Variants in SELENBP1 observed in about 807,000 individuals in gnomAD.
SELENBP1 encodes the protein methanethiol oxidase.
A neutral mutation model predicts 61.0 loss-of-function variants in SELENBP1; 71 were observed. That is an observed-to-expected ratio of 1.16 (90% CI 0.96 to 1.42). The LOEUF (loss-of-function observed/expected upper bound fraction) is 1.42. SELENBP1 is among the 40% of genes most tolerant of loss of function. The pLI is 0.00. For synonymous variants in SELENBP1, 270 were observed against 238.9 expected (o/e 1.13, Z -1.20); for missense variants, 561 against 605.0 (o/e 0.93, Z 0.76).
At position 151,369,125 on chromosome 1, in the gene SELENBP1, C is replaced by T. The variant is rs1043849; in HGVS notation, c.239G>A (p.Cys80Tyr). The part of the protein sequence containing the change: ...DELHHSGWNT[C>Y]SSCFGDSTKS... ...GGTGCTATCACCGAAGCAGCTGCTG[C>T]AGGTGTTCCATCCTGAGTGATGCAG... The change falls in exon 4 of 12, where the codon TGC becomes TAC. Residue 80 changes from cysteine (C) to tyrosine (Y), a missense_variant. Cys to Tyr is a radical substitution (Grantham distance 194). Transcript: ENST00000368868. 6.2e-7 allele frequency: 1 copy of T among 1,614,036 alleles called. No homozygotes were observed. The highest frequency in any genetic ancestry group is 8.5e-7 in the Non-Finnish European group (1 of 1,180,000).
Position 151,365,234 on chromosome 1 carries a change from C to T in SELENBP1, c.1092G>A (p.Leu364=). ...GCTGGGACTTTAGTTCCTCGTCCTCCAGCACTTGCACAGGGCCTCCCTTAA... is the reference window on the plus strand; with the variant it reads ...GCTGGGACTTTAGTTCCTCGTCCTCTAGCACTTGCACAGGGCCTCCCTTAA... ...SIVKGGPVQV[L]EDEELKSQPE... is the part of the protein sequence containing the mutation. Residue 364 remains leucine, a synonymous_variant, in exon 10 of 12, where the codon CTG becomes CTA. Coordinates refer to ENST00000368868, the MANE Select transcript of SELENBP1 (RefSeq NM_003944.4). 2 of 1,613,702 alleles carry T rather than the reference C, an allele frequency of 1.2e-6. No homozygotes were observed. Among genetic ancestry groups the T allele is most frequent in the Non-Finnish European group, 1.7e-6 (2 of 1,179,832 alleles).
Position 151,366,313 on chromosome 1 carries a change from C to G in SELENBP1, c.805G>C (p.Ala269Pro). Residue 269 changes from alanine to proline, a missense_variant, in exon 7 of 12, where the codon GCA (alanine) becomes CCA (proline). Physicochemically the swap from Ala to Pro is conservative, Grantham distance 27. Coordinates refer to ENST00000368868, the MANE Select transcript of SELENBP1 (RefSeq NM_003944.4). ...PDAAQGFVGCALSSTIQRFYK... is the reference protein window; with the variant it reads ...PDAAQGFVGCPLSSTIQRFYK... ...AAGCGCTGGATGGTGGAGCTGAGTG[C>G]GCAGCCCACAAAGCCTTGGGCAGCG... is the stretch of plus-strand genomic sequence containing the variant. 6.2e-7 allele frequency: 1 copy of G among 1,614,038 alleles called. No individual in the cohort carries two copies. Among genetic ancestry groups the G allele is most frequent in the Non-Finnish European group, 8.5e-7 (1 of 1,180,014 alleles).
chr1:151,368,499 G>A (rs1049564168), intron 4 of SELENBP1, among the ~76,000 whole-genome samples, 180 bp from the exon 5 acceptor site: 2 of 152,228 alleles, frequency 1.3e-5, no homozygotes, highest in African/African-American at 4.8e-5. Flanking sequence ...AGAGCAGCAA[G>A]GGAAAGTCAG....
chr1:151,369,871 G>A, intron 1 of SELENBP1, 102 bp from the exon 2 acceptor site: 1 of 1,551,084 alleles, frequency 6.4e-7, no homozygotes, highest in African/African-American at 1.4e-5. Context: ...CGGCAGTGCG[G>A]CTGGCCTAGG....
In SELENBP1 at chr1:151,366,391, A is replaced by T; in HGVS notation, c.727T>A (p.Ser243Thr). 6.2e-7 allele frequency: 1 copy of T among 1,614,128 alleles called. No individual in the cohort carries two copies. Among genetic ancestry groups the T allele is most frequent in the South Asian group, 1.1e-5 (1 of 91,086 alleles). ...WQRHEIVQTL[S>T]LKDGLIPLEI... ...AAGGGAATAAGCCCATCTTTTAGAG[A>T]CAGGGTCTGCACAATCTCATGGCGC... The change falls in exon 7 of 12, where the codon TCT becomes ACT. Residue 243 changes from serine to threonine, a missense_variant. Transcript: ENST00000368868.
In SELENBP1 at chr1:151,364,620, T is replaced by C. The variant is rs1651699267; in HGVS notation, c.1342A>G (p.Lys448Glu). 4 of 1,613,698 alleles carry C rather than the reference T, an allele frequency of 2.5e-6. No homozygotes were observed. The East Asian group carries it at 8.9e-5, about 36-fold the overall frequency. ...GCAAGGGCTGGGCCAAGGGGCTCCT[T>C]CCCGAAGTCCACCAGGAAGTTGGGG... ...LNPNFLVDFG[K>E]EPLGPALAHE... Residue 448 changes from lysine (K) to glutamate (E), a missense_variant, in exon 12 of 12, where the codon AAG (lysine) becomes GAG (glutamate). Lys to Glu is a moderately conservative substitution (Grantham distance 56, BLOSUM62 1). Transcript: ENST00000368868.
Position 151,365,552 on chromosome 1 carries a change from AG to A in SELENBP1, c.1044+10del. 6.2e-7 allele frequency: 1 copy of A among 1,613,620 alleles called. No individual in the cohort carries two copies. Among genetic ancestry groups the A allele is most frequent in the Non-Finnish European group, 8.5e-7 (1 of 1,179,874 alleles). ...TTCCTTCCCTTCTGCTCCTCCTGCCAGGGTCTCCACCTGTCCTGTGAGGCGG... is the reference window on the plus strand; with the variant it reads ...TTCCTTCCCTTCTGCTCCTCCTGCCAGGTCTCCACCTGTCCTGTGAGGCGG... On this transcript the variant is annotated intron_variant, in intron 9 of 11. Transcript: ENST00000368868.
chr1:151,364,779 G>C lies in SELENBP1; in HGVS notation c.1257-74C>G, dbSNP rs1651710550. ...CCTTCCCCTAAGATTTTAGGGGAAA[G>C]CTCCTGAGGAAGGAGGAATGACCAG... On this transcript the variant is annotated intron_variant, in intron 11 of 11. Coordinates refer to ENST00000368868, the MANE Select transcript of SELENBP1 (RefSeq NM_003944.4). 36 of 1,521,456 alleles carry C rather than the reference G, an allele frequency of 2.4e-5. 1 individual carries two copies. The South Asian group carries it at 4.1e-4, about 17-fold the overall frequency. 94.2% of individuals were successfully genotyped at this position (1,521,456 alleles called of 1,614,324 possible). A position where few individuals can be genotyped will look rare whatever the true frequency, so the allele number is the denominator to read the frequency against.
chr1:151,368,014 T>G (rs1414636966), intron 5 of SELENBP1, among the ~76,000 whole-genome samples, 185 bp downstream of exon 5: 1 of 152,192 alleles, frequency 6.6e-6, no homozygotes, highest in African/African-American at 2.4e-5. Context: ...AGACTCATCT[T>G]AATAGAAATA....
chr1:151,366,826 C>T lies in SELENBP1; in HGVS notation c.560G>A (p.Gly187Asp). The change falls in exon 6 of 12, where the codon GGC (glycine) becomes GAC (aspartate). Residue 187 changes from glycine (G) to aspartate (D), a missense_variant. Gly to Asp is a moderately conservative substitution (Grantham distance 94). Transcript: ENST00000368868. Reference protein sequence around the residue: ...WERPGGAAPLGYDFWYQPRHN... With the variant: ...WERPGGAAPLDYDFWYQPRHN... ...TCGAGGCTGGTACCAGAAGTCATAG[C>T]CCAACGGTGCAGCACCCCCAGGTCT... The T allele has an allele frequency of 1.2e-6, 2 of 1,614,136 alleles. No individual in the cohort carries two copies. The highest frequency in any genetic ancestry group is 1.7e-6 in the Non-Finnish European group (2 of 1,180,022).
At chr1:151,368,877 C>G (rs1337966955) in intron 4 of SELENBP1, 127 bp downstream of exon 4, 4 of 994,846 alleles carry the variant, frequency 4.0e-6, no homozygotes, top group Non-Finnish European at 6.0e-6. Context: ...ACCTCCCTCC[C>G]TGCTGCCGAG....
chr1:151,368,476 T>C (rs1330039701), intron 4 of SELENBP1, among the ~76,000 whole-genome samples, 157 bp from the exon 5 acceptor site: 1 of 152,248 alleles, frequency 6.6e-6, no homozygotes, highest in East Asian at 1.9e-4. Flanking sequence ...AGATTCAGTC[T>C]GGTAACTTCT....
chr1:151,371,896 T>A (rs964543766), intron 1 of SELENBP1, among the ~76,000 whole-genome samples: 2 of 152,156 alleles, frequency 1.3e-5, no homozygotes, highest in Admixed American at 6.6e-5. Context: ...AAGCAAGGTC[T>A]CGGAGCAGCT....
chr1:151,369,611 A>G, intron 2 of SELENBP1, 57 bp from the exon 3 acceptor site: 1 of 1,556,646 alleles, frequency 6.4e-7, no homozygotes, highest in South Asian at 1.2e-5. Context: ...AGGTAGGGGA[A>G]GTGCTGGGTG....
At position 151,369,007 on chromosome 1, in the gene SELENBP1, G is replaced by A. The variant is rs1652000784; in HGVS notation, c.357C>T (p.His119=). Residue 119 remains histidine (H), a synonymous_variant, in exon 4 of 12, where the codon CAC becomes CAT. Transcript: ENST00000368868. The part of the protein sequence containing the change: ...VGSEPRAPKL[H]KVIEPKDIHA... The stretch of plus-strand genomic sequence containing the variant: ...CTGGCAAGGGCAGAGGACATGCCTT[G>A]TGCAGCTTTGGGGCCCGGGGCTCAG... 6 of 1,609,350 alleles carry A rather than the reference G, an allele frequency of 3.7e-6. No homozygotes were observed. The highest frequency in any genetic ancestry group is 5.1e-6 in the Non-Finnish European group (6 of 1,176,402).
Position 151,366,020 on chromosome 1 carries a change from G to T in SELENBP1, c.844-174C>A, listed in dbSNP as rs898648504. The T allele has an allele frequency of 2.3e-5, 17 of 748,492 alleles. 1 individual carries two copies. The South Asian group carries it at 3.0e-4, about 13-fold the overall frequency. 46.4% of individuals were successfully genotyped at this position (748,492 alleles called of 1,614,324 possible). A position where few individuals can be genotyped will look rare whatever the true frequency, so the allele number is the denominator to read the frequency against. ...GCCCCTTGAGGCAGGGGTTGTGTCT[G>T]CTTCACCACTGCATTCCCAGAACAT... On this transcript the variant is annotated intron_variant, in intron 7 of 11. Coordinates refer to ENST00000368868, the MANE Select transcript of SELENBP1 (RefSeq NM_003944.4).
chr1:151,369,864 C>T, intron 1 of SELENBP1, 95 bp from the exon 2 acceptor site: 1 of 1,551,350 alleles, frequency 6.4e-7, no homozygotes, highest in Non-Finnish European at 8.7e-7. Flanking sequence ...CGGGCCACGG[C>T]AGTGCGGCTG....
At position 151,365,767 on chromosome 1, in the gene SELENBP1, C is replaced by G; in HGVS notation, c.922+1G>C. On this transcript the variant is annotated splice_donor_variant, in intron 8 of 11. Transcript: ENST00000368868. LOFTEE classifies it high-confidence loss of function. The stretch of plus-strand genomic sequence containing the variant: ...AACTTTCCTATGCCCTAGGCACTCA[C>G]CTGGCATTTCGGGCAGCAGCCAGCC... 1 of 1,614,160 alleles carries G rather than the reference C, an allele frequency of 6.2e-7. No homozygotes were observed. Among genetic ancestry groups the G allele is most frequent in the Non-Finnish European group, 8.5e-7 (1 of 1,180,010 alleles).
intron 1 of SELENBP1, chr1:151,370,370 C>T (rs1278873099): frequency 6.1e-6 from 1 of 163,954 alleles, no homozygotes; most frequent in African/African-American, 2.4e-5. Context: ...TCCTGCTTTT[C>T]TCTCCCCTGG....
Sources: allele counts gnomAD v4.1 joint callset (sites outside exome capture counted in the v4.1 genomes callset), GRCh38; gene constraint gnomAD v4.1.1; transcripts MANE v1.5; gene names NCBI Gene and HGNC (gene_info 2026-07-23, HGNC 2026-07-21).